Variants in PYROXD2 observed in about 807,000 individuals in gnomAD.
PYROXD2 encodes the protein pyridine nucleotide-disulfide oxidoreductase domain-containing protein 2.
In PYROXD2, 69 loss-of-function variants were observed where a neutral mutation model predicts 71.1. That is an observed-to-expected ratio of 0.97 (90% confidence interval 0.80 to 1.19). The LOEUF is 1.19. Ranked by LOEUF, PYROXD2 falls within the 50% of genes most tolerant of loss-of-function variation. The probability of loss-of-function intolerance (pLI) is 0.00; values close to 1 mark genes in which losing one functional copy is unlikely to be tolerated. For synonymous variants in PYROXD2, 287 were observed against 302.7 expected (o/e 0.95, Z 0.54); for missense variants, 745 against 748.9 (o/e 0.99, Z 0.06).
intron 8 of PYROXD2, among the ~76,000 whole-genome samples, chr10:98,394,339 A>G (rs11189586): frequency 0.34 from 52,198 of 152,048 alleles, 9,206 homozygotes; most frequent in South Asian, 0.44. Flanking sequence ...CAGCTTGGCC[A>G]ATGTGTGGCA....
At chr10:98,386,803 G>C (rs181040929) in intron 14 of PYROXD2, among the ~76,000 whole-genome samples, 1 of 152,136 alleles carries the variant, frequency 6.6e-6, no homozygotes, top group Non-Finnish European at 1.5e-5. Flanking sequence ...GCAATGAGGC[G>C]ATTGAACCTG....
chr10:98,397,047 T>C (rs1181308787), intron 6 of PYROXD2, among the ~76,000 whole-genome samples: 2 of 152,204 alleles, frequency 1.3e-5, no homozygotes, highest in East Asian at 3.8e-4. Flanking sequence ...CACTCTGGTA[T>C]TGACTCTTTC....
intron 4 of PYROXD2, among the ~76,000 whole-genome samples, chr10:98,401,789 A>G (rs1590963173): frequency 6.6e-6 from 1 of 152,160 alleles, no homozygotes; most frequent in East Asian, 1.9e-4. Flanking sequence ...ATCCTGCCCC[A>G]CTGCAGGGTC....
intron 4 of PYROXD2, among the ~76,000 whole-genome samples, chr10:98,406,312 T>A (rs1225415154): frequency 1.3e-5 from 2 of 152,226 alleles, no homozygotes; most frequent in African/African-American, 4.8e-5. Context: ...TGATTCTTAG[T>A]CTCTTAAATC....
Position 98,390,905 on chromosome 10 carries a change from G to A in PYROXD2, c.1135+105C>T, listed in dbSNP as rs1309268718. The A allele has an allele frequency of 4.5e-6, 6 of 1,342,986 alleles. No homozygotes were observed. The East Asian group carries it at 1.4e-4, about 31-fold the overall frequency. 83.2% of individuals were successfully genotyped at this position (1,342,986 alleles called of 1,614,324 possible). On this transcript the variant is annotated intron_variant, in intron 11 of 15. Coordinates refer to ENST00000370575, the MANE Select transcript of PYROXD2 (RefSeq NM_032709.3). ...AGGCTGCAGGGGGACACAGGCTGGA[G>A]GTCCGGGAATGGAGATGATGACTGA...
chr10:98,405,175 C>G (rs1564808371), intron 4 of PYROXD2, among the ~76,000 whole-genome samples: 1 of 152,180 alleles, frequency 6.6e-6, no homozygotes, highest in Non-Finnish European at 1.5e-5. Flanking sequence ...AGGGCCGCTG[C>G]AAAAGCAAAC....
chr10:98,396,268 G>A (rs1332193790), intron 6 of PYROXD2, among the ~76,000 whole-genome samples: 1 of 152,124 alleles, frequency 6.6e-6, no homozygotes, highest in Non-Finnish European at 1.5e-5. Context: ...CTGTACATTG[G>A]GGCATGCCCT....
intron 4 of PYROXD2, among the ~76,000 whole-genome samples, chr10:98,407,353 C>A (rs1843632472): frequency 6.6e-6 from 1 of 152,204 alleles, no homozygotes; most frequent in African/African-American, 2.4e-5. Context: ...CAAAAGAAGT[C>A]TGATTTTTGG....
At chr10:98,392,884 C>G in intron 9 of PYROXD2, 58 bp downstream of exon 9, 1 of 1,571,104 alleles carries the variant, frequency 6.4e-7, no homozygotes, top group Non-Finnish European at 8.7e-7. Flanking sequence ...AAATCTGAGA[C>G]TTTGTTCTGT....
intron 4 of PYROXD2, among the ~76,000 whole-genome samples, chr10:98,403,635 G>A (rs1843497956): frequency 6.6e-6 from 1 of 152,186 alleles, no homozygotes; most frequent in Non-Finnish European, 1.5e-5. Context: ...CTGCTTAGAT[G>A]TCCACATGGC....
At chr10:98,404,538 G>A (rs1226849220) in intron 4 of PYROXD2, among the ~76,000 whole-genome samples, 3 of 152,056 alleles carry the variant, frequency 2.0e-5, no homozygotes, top group Non-Finnish European at 4.4e-5. Flanking sequence ...TTCGGATTAT[G>A]AAGCTTTTTT....
chr10:98,395,741 T>C lies in PYROXD2; in HGVS notation c.626-289A>G, dbSNP rs533875789. 1.1e-4 allele frequency among the ~76,000 whole-genome samples: 16 copies of C among 152,348 alleles called. No homozygotes were observed. The South Asian group carries it at 3.3e-3, about 32-fold the overall frequency. ...AGGATTAAATGAGCTAGGTAAAGCA[T>C]TTGCAAGTTCATGGGTACTTAATAC... On this transcript the variant is annotated intron_variant, in intron 6 of 15. Coordinates refer to ENST00000370575, the MANE Select transcript of PYROXD2 (RefSeq NM_032709.3).
chr10:98,396,631 C>A (rs923942773), intron 6 of PYROXD2, among the ~76,000 whole-genome samples: 1 of 152,188 alleles, frequency 6.6e-6, no homozygotes, highest in Non-Finnish European at 1.5e-5. Flanking sequence ...AGCATTCTTC[C>A]TGTATGGGGG....
At chr10:98,391,232 GC>G (rs778643511) in intron 10 of PYROXD2, 150 bp from the exon 11 acceptor site, 19 of 640,774 alleles carry the variant, frequency 3.0e-5, no homozygotes, top group Non-Finnish European at 4.5e-5. Flanking sequence ...CCCCTGTGAA[GC>G]CTTCCTAGAT....
chr10:98,395,424 T>A lies in PYROXD2; in HGVS notation c.654A>T (p.Arg218=), dbSNP rs1216323816. The A allele has an allele frequency of 3.1e-6, 5 of 1,614,020 alleles. No individual in the cohort carries two copies. The highest frequency in any genetic ancestry group is 4.2e-6 in the Non-Finnish European group (5 of 1,180,026). The change falls in exon 7 of 16, where the codon CGA becomes CGT. Residue 218 remains arginine (R), a synonymous_variant. Coordinates refer to ENST00000370575, the MANE Select transcript of PYROXD2 (RefSeq NM_032709.3). ...AGRILGAQLP[R]YYEVLTAPIT... is the part of the protein sequence containing the mutation. ...TGGGAGCTGTGAGGACCTCATAATA[T>A]CGGGGAAGCTGGGCTCCCAGGATGC...
At chr10:98,413,468 C>G (rs535675818) in intron 1 of PYROXD2, among the ~76,000 whole-genome samples, 28 of 152,324 alleles carry the variant, frequency 1.8e-4, no homozygotes, top group Non-Finnish European at 4.0e-4. Context: ...GTAATCCCAG[C>G]CCTTTGGGAG....
chr10:98,393,813 A>G (rs1188376956), intron 8 of PYROXD2, among the ~76,000 whole-genome samples: 1 of 152,030 alleles, frequency 6.6e-6, no homozygotes, highest in Non-Finnish European at 1.5e-5. Context: ...CCAGTCTTCT[A>G]GCAGGCACTC....
chr10:98,413,501 G>A (rs1382240833), intron 1 of PYROXD2, among the ~76,000 whole-genome samples: 2 of 152,012 alleles, frequency 1.3e-5, no homozygotes, highest in Admixed American at 6.6e-5. Flanking sequence ...GGATCACAAG[G>A]CCAGGAGTTT....
In PYROXD2 at chr10:98,407,985, G is replaced by A; in HGVS notation, c.160C>T (p.Gln54Ter). 1 of 1,606,070 alleles carries A rather than the reference G, an allele frequency of 6.2e-7. No homozygotes were observed. Among genetic ancestry groups the A allele is most frequent in the Non-Finnish European group, 8.5e-7 (1 of 1,176,480 alleles). Residue 54 changes from glutamine to a stop codon, truncating the protein, a stop_gained, in exon 3 of 16, where the codon CAG becomes TAG. Transcript: ENST00000370575. LOFTEE classifies it high-confidence loss of function. ...ACGGCGGTGTTCACCCCCAGTCTCT[G>A]CAGGTACGCTGCCTGGGAAGTGGGG... The part of the protein sequence containing the change: ...HNGLVAAAYL[Q>*]RLGVNTAVFE...
Sources: gnomAD v4.1 joint callset for allele counts (sites outside exome capture counted in the v4.1 genomes callset) on GRCh38, gnomAD v4.1.1 for gene constraint, MANE v1.5 for transcripts, NCBI Gene and HGNC (gene_info 2026-07-23, HGNC 2026-07-21) for gene names.